Variants in ANKS1B observed in about 807,000 individuals in gnomAD.
ANKS1B encodes ankyrin repeat and sterile alpha motif domain-containing protein 1B.
In ANKS1B, 36 loss-of-function variants were observed where a neutral mutation model predicts 148.3. The ratio of observed to expected loss-of-function variants is 0.24; its 90% CI spans 0.19 to 0.32. The LOEUF (loss-of-function observed/expected upper bound fraction) is 0.32. Ranked by LOEUF, ANKS1B falls within the 10% of genes least tolerant of loss-of-function variation. The pLI, the probability that ANKS1B is intolerant of heterozygous loss-of-function variation, is 1.00. For synonymous variants in ANKS1B, 542 were observed against 560.8 expected (o/e 0.97, Z 0.47); for missense variants, 1,157 against 1,542.6 (o/e 0.75, Z 4.19).
intron 9 of ANKS1B, among the ~76,000 whole-genome samples, chr12:99,578,794 G>C (rs138415410): frequency 2.6e-5 from 4 of 152,000 alleles, no homozygotes; most frequent in African/African-American, 9.7e-5. Context: ...TACAGATTCA[G>C]TGATATTCCT....
At chr12:99,367,581 G>C (rs565496655) in intron 12 of ANKS1B, among the ~76,000 whole-genome samples, 2 of 152,230 alleles carry the variant, frequency 1.3e-5, no homozygotes, top group African/African-American at 2.4e-5. Flanking sequence ...ATATGTACAA[G>C]GTTACTTACT....
chr12:99,923,867 T>C (rs1304160960), intron 1 of ANKS1B, among the ~76,000 whole-genome samples: 1 of 152,104 alleles, frequency 6.6e-6, no homozygotes, highest in Non-Finnish European at 1.5e-5. Context: ...GGACCAGAAC[T>C]AGGGTGAGGA....
At chr12:98,968,983 A>G (rs1234017744) in intron 17 of ANKS1B, among the ~76,000 whole-genome samples, 2 of 152,226 alleles carry the variant, frequency 1.3e-5, no homozygotes, top group South Asian at 2.1e-4. Context: ...TGAAAACTGC[A>G]TAAGAACATG....
At chr12:99,024,930 GT>G (rs1478885968) in intron 17 of ANKS1B, among the ~76,000 whole-genome samples, 1 of 152,152 alleles carries the variant, frequency 6.6e-6, no homozygotes, top group South Asian at 2.1e-4. Context: ...ATTCTAAGAA[GT>G]TTATCCTGCC....
chr12:99,705,100 A>G (rs920394848), intron 8 of ANKS1B, among the ~76,000 whole-genome samples: 2 of 152,100 alleles, frequency 1.3e-5, no homozygotes, highest in Non-Finnish European at 2.9e-5. Context: ...GATATGTCTG[A>G]AAGAATAGGT....
chr12:99,650,803 A>C (rs1312644001), intron 9 of ANKS1B, among the ~76,000 whole-genome samples: 1 of 152,158 alleles, frequency 6.6e-6, no homozygotes, highest in East Asian at 1.9e-4. Context: ...AAATTAGATC[A>C]TTTTAGAATT....
chr12:99,655,293 AGTGG>A, intron 8 of ANKS1B, 83 bp from the exon 9 acceptor site: 2 of 1,275,094 alleles, frequency 1.6e-6, no homozygotes, highest in Admixed American at 4.5e-5. Flanking sequence ...TATAAATGAC[AGTGG>A]TATATCTCGG....
At chr12:99,055,727 G>GA (rs60100668) in intron 16 of ANKS1B, among the ~76,000 whole-genome samples, 67 of 149,640 alleles carry the variant, frequency 4.5e-4, no homozygotes, top group Middle Eastern at 6.8e-3. Context: ...AACTTGGGGG[G>GA]GGGGGAGGTG....
chr12:99,662,943 A>G (rs900127810), intron 8 of ANKS1B, among the ~76,000 whole-genome samples: 1 of 152,038 alleles, frequency 6.6e-6, no homozygotes, highest in Non-Finnish European at 1.5e-5. Context: ...CCTCTTTATT[A>G]TGCAAGCAAT....
intron 17 of ANKS1B, among the ~76,000 whole-genome samples, chr12:98,892,194 C>T (rs1181824724): frequency 1.3e-5 from 2 of 152,172 alleles, no homozygotes; most frequent in Non-Finnish European, 2.9e-5. Flanking sequence ...TGTGCCAATG[C>T]TATAAACACT....
At chr12:98,774,898 C>A (rs1414583189) in intron 24 of ANKS1B, among the ~76,000 whole-genome samples, 1 of 152,168 alleles carries the variant, frequency 6.6e-6, no homozygotes, top group Non-Finnish European at 1.5e-5. Flanking sequence ...CAATTGGAAT[C>A]CCATAAACAA....
intron 9 of ANKS1B, among the ~76,000 whole-genome samples, chr12:99,641,907 C>T (rs1315983125): frequency 1.3e-5 from 2 of 151,970 alleles, no homozygotes; most frequent in African/African-American, 4.8e-5. Context: ...GGCTCAAACA[C>T]AATAGATATG....
chr12:99,125,131 G>A (rs971860419), intron 15 of ANKS1B, among the ~76,000 whole-genome samples: 1 of 152,140 alleles, frequency 6.6e-6, no homozygotes, highest in Non-Finnish European at 1.5e-5. Context: ...TGCTGATGAG[G>A]ATAATCGACA....
chr12:99,539,586 T>C (rs997079213), intron 9 of ANKS1B, among the ~76,000 whole-genome samples: 1 of 152,132 alleles, frequency 6.6e-6, no homozygotes, highest in Non-Finnish European at 1.5e-5. Context: ...AGAGGGACAA[T>C]AATGATATAA....
At chr12:99,862,528 A>G (rs2090167807) in intron 1 of ANKS1B, among the ~76,000 whole-genome samples, 1 of 152,218 alleles carries the variant, frequency 6.6e-6, no homozygotes. Context: ...CAAGGCAAAT[A>G]TGTTCTTAAA....
intron 22 of ANKS1B, among the ~76,000 whole-genome samples, chr12:98,786,365 A>C (rs1566487528): frequency 6.6e-6 from 1 of 152,198 alleles, no homozygotes; most frequent in Non-Finnish European, 1.5e-5. Context: ...TCAGAATTTC[A>C]TATCTGGAGG....
chr12:99,953,971 G>A (rs1322342317), intron 1 of ANKS1B, among the ~76,000 whole-genome samples: 3 of 152,156 alleles, frequency 2.0e-5, no homozygotes, highest in African/African-American at 7.2e-5. Flanking sequence ...GGGTTTGTGG[G>A]GGAGGCGGTA....
intron 14 of ANKS1B, among the ~76,000 whole-genome samples, chr12:99,179,132 TATAAA>T (rs767250390): frequency 1.3e-3 from 194 of 152,244 alleles, no homozygotes; most frequent in Non-Finnish European, 2.3e-3. Flanking sequence ...TTAGGAAGGA[TATAAA>T]TTTAGTTGAG....
At chr12:99,298,724 A>T (rs966467574) in intron 12 of ANKS1B, among the ~76,000 whole-genome samples, 6 of 152,322 alleles carry the variant, frequency 3.9e-5, no homozygotes, top group Non-Finnish European at 7.3e-5. Context: ...ACAAGGTTTC[A>T]GCTTAATCCT....
Sources: gnomAD v4.1 joint callset for allele counts (sites outside exome capture counted in the v4.1 genomes callset) on GRCh38, gnomAD v4.1.1 for gene constraint, MANE v1.5 for transcripts, NCBI Gene and HGNC (gene_info 2026-07-23, HGNC 2026-07-21) for gene names.